The following FBXW7 variants were observed in gnomAD, a reference collection of about 807,000 sequenced individuals.
FBXW7 encodes the protein F-box and WD repeat domain containing 7, also known as F-box/WD repeat-containing protein 7.
FBXW7 carries 11 observed loss-of-function variants against 86.3 expected under a neutral mutation model. That is an observed-to-expected ratio of 0.13 (90% CI 0.08 to 0.21). The LOEUF (loss-of-function observed/expected upper bound fraction) is 0.21. FBXW7 is among the 10% of genes least tolerant of loss of function. The pLI is 1.00. For missense variants in FBXW7, 488 were observed against 847.4 expected (o/e 0.58, Z 5.27); for synonymous variants, 313 against 297.9 (o/e 1.05, Z -0.52).
At chr4:152,467,673 G>C (rs1743582048) in intron 2 of FBXW7, among the ~76,000 whole-genome samples, 1 of 152,166 alleles carries the variant, frequency 6.6e-6, no homozygotes, top group Admixed American at 6.5e-5. Context: ...GGCTTTGACT[G>C]TCAAACACAA....
At chr4:152,407,450 A>G (rs183522154) in intron 4 of FBXW7, among the ~76,000 whole-genome samples, 2 of 152,336 alleles carry the variant, frequency 1.3e-5, no homozygotes, top group Admixed American at 1.3e-4. Flanking sequence ...TCTTGCAGGT[A>G]GACTAGGCCA....
intron 2 of FBXW7, among the ~76,000 whole-genome samples, chr4:152,527,881 C>T (rs1326500512): frequency 1.7e-4 from 25 of 151,418 alleles, no homozygotes; most frequent in African/African-American, 5.1e-4. Flanking sequence ...CACACACACA[C>T]ACACACACAC....
intron 4 of FBXW7, among the ~76,000 whole-genome samples, chr4:152,384,441 A>G (rs1735356734): frequency 6.6e-6 from 1 of 152,134 alleles, no homozygotes; most frequent in African/African-American, 2.4e-5. Flanking sequence ...AGGATAGTGT[A>G]TGATCCACTT....
intron 2 of FBXW7, among the ~76,000 whole-genome samples, chr4:152,501,301 T>C (rs1188690506): frequency 6.6e-6 from 1 of 152,192 alleles, no homozygotes; most frequent in Admixed American, 6.5e-5. Flanking sequence ...ACTTCCTTCT[T>C]TATTCATGAA....
At chr4:152,330,113 A>G (rs1332278176) in intron 9 of FBXW7, among the ~76,000 whole-genome samples, 1 of 151,860 alleles carries the variant, frequency 6.6e-6, no homozygotes, top group Non-Finnish European at 1.5e-5. Context: ...AATTTTTACA[A>G]CTTTGACACA....
chr4:152,522,409 T>A (rs923381610), intron 2 of FBXW7, among the ~76,000 whole-genome samples: 6 of 152,324 alleles, frequency 3.9e-5, no homozygotes, highest in Non-Finnish European at 7.4e-5. Context: ...TCTTTTAAAA[T>A]GAATGTTAAA....
chr4:152,525,486 G>GT (rs1293212556), intron 2 of FBXW7, among the ~76,000 whole-genome samples: 1 of 152,062 alleles, frequency 6.6e-6, no homozygotes, highest in Non-Finnish European at 1.5e-5. Context: ...GTAGACCCCA[G>GT]TGTCTATTCA....
At chr4:152,512,714 A>C (rs771896907) in intron 2 of FBXW7, among the ~76,000 whole-genome samples, 1 of 152,210 alleles carries the variant, frequency 6.6e-6, no homozygotes, top group African/African-American at 2.4e-5. Flanking sequence ...GAAGTAGATT[A>C]GTGGTTGCCA....
intron 2 of FBXW7, among the ~76,000 whole-genome samples, chr4:152,527,535 T>C (rs1749625826): frequency 1.3e-5 from 2 of 152,164 alleles, no homozygotes; most frequent in South Asian, 4.1e-4. Flanking sequence ...TGGGAGGCCA[T>C]TTCAGGAGGA....
chr4:152,439,965 A>C (rs910556987), intron 2 of FBXW7, among the ~76,000 whole-genome samples: 1 of 151,978 alleles, frequency 6.6e-6, no homozygotes, highest in Non-Finnish European at 1.5e-5. Flanking sequence ...ACCAATCTGC[A>C]CTAAAAGATT....
intron 4 of FBXW7, among the ~76,000 whole-genome samples, chr4:152,372,556 A>G (rs1734098062): frequency 6.6e-6 from 1 of 151,924 alleles, no homozygotes; most frequent in Non-Finnish European, 1.5e-5. Context: ...TTTATTTTTA[A>G]ATTTTCAGTT....
At chr4:152,517,944 C>T (rs976506260) in intron 2 of FBXW7, among the ~76,000 whole-genome samples, 10 of 152,126 alleles carry the variant, frequency 6.6e-5, no homozygotes, top group African/African-American at 2.2e-4. Context: ...TCCACTTAGG[C>T]ATTTTTAATC....
At position 152,345,232 on chromosome 4, in the gene FBXW7, G is replaced by T. The variant is rs999946599; in HGVS notation, c.726+1698C>A. 3.3e-5 allele frequency among the ~76,000 whole-genome samples: 5 copies of T among 151,934 alleles called. No individual in the cohort carries two copies. The South Asian group carries it at 1.0e-3, about 32-fold the overall frequency. On this transcript the variant is annotated intron_variant, in intron 6 of 13. Coordinates refer to ENST00000281708, the MANE Select transcript of FBXW7 (RefSeq NM_001349798.2). ...AAATTAAAAATTTAGAATTCTGAGG[G>T]TGTGCATAGGAAAAAATAAAAATTA...
intron 4 of FBXW7, among the ~76,000 whole-genome samples, chr4:152,408,353 A>C (rs1737616633): frequency 6.6e-6 from 1 of 152,232 alleles, no homozygotes; most frequent in Non-Finnish European, 1.5e-5. Context: ...TTTTTTTAAA[A>C]AAATATGATA....
chr4:152,497,192 G>A (rs1475382220), intron 2 of FBXW7, among the ~76,000 whole-genome samples: 3 of 151,314 alleles, frequency 2.0e-5, no homozygotes, highest in African/African-American at 4.9e-5. Flanking sequence ...GTGTGGTGGC[G>A]GGCACCTATA....
chr4:152,388,023 G>A (rs1735689350), intron 4 of FBXW7, among the ~76,000 whole-genome samples: 1 of 151,802 alleles, frequency 6.6e-6, no homozygotes, highest in South Asian at 2.1e-4. Flanking sequence ...ATCTTTTAAA[G>A]TTTTAGTATT....
At chr4:152,448,454 T>C (rs1741604436) in intron 2 of FBXW7, among the ~76,000 whole-genome samples, 3 of 152,340 alleles carry the variant, frequency 2.0e-5, no homozygotes, top group South Asian at 4.1e-4. Context: ...GTAGTTACCT[T>C]TGGTTGCCTG....
chr4:152,421,713 G>A (rs564201843), intron 2 of FBXW7, among the ~76,000 whole-genome samples: 6 of 152,120 alleles, frequency 3.9e-5, no homozygotes, highest in African/African-American at 1.4e-4. Flanking sequence ...CTTTTCACTT[G>A]AACACTTAGA....
intron 4 of FBXW7, among the ~76,000 whole-genome samples, chr4:152,360,904 A>AGATTCATAC (rs1732880082): frequency 6.6e-6 from 1 of 150,544 alleles, no homozygotes; most frequent in African/African-American, 2.4e-5. Context: ...CAGAAAGTCC[A>AGATTCATAC]GATTCATACT....
Sources: allele counts gnomAD v4.1 joint callset (sites outside exome capture counted in the v4.1 genomes callset), GRCh38; gene constraint gnomAD v4.1.1; transcripts MANE v1.5; gene names NCBI Gene and HGNC (gene_info 2026-07-23, HGNC 2026-07-21).